Variants in RBM46 observed in about 807,000 individuals in gnomAD.
RBM46 encodes the protein RNA binding motif protein 46, also known as probable RNA-binding protein 46.
A neutral mutation model predicts 43.3 loss-of-function variants in RBM46; 12 were observed. The ratio of observed to expected loss-of-function variants is 0.28; its 90% CI spans 0.18 to 0.45. The LOEUF (loss-of-function observed/expected upper bound fraction) is 0.45, where lower values mean the gene tolerates loss of function less well. Among genes scored for constraint, RBM46 ranks in the 20% least tolerant of loss-of-function variants. The pLI is 1.00. For synonymous variants in RBM46, 205 were observed against 207.6 expected (o/e 0.99, Z 0.11); for missense variants, 412 against 639.1 (o/e 0.64, Z 3.83).
chr4:154,788,955 G>C (rs1331452568), intron 1 of RBM46, among the ~76,000 whole-genome samples: 1 of 151,900 alleles, frequency 6.6e-6, no homozygotes, highest in Non-Finnish European at 1.5e-5. Flanking sequence ...ATTGTGAATT[G>C]CTTCACATGA....
intron 4 of RBM46, among the ~76,000 whole-genome samples, chr4:154,817,899 A>G (rs7691720): frequency 0.16 from 24,758 of 151,780 alleles, 2,620 homozygotes; most frequent in East Asian, 0.44. Flanking sequence ...TCAGTCTTTA[A>G]TCTCTTAGTC....
At chr4:154,797,103 C>T (rs535290262) in intron 2 of RBM46, among the ~76,000 whole-genome samples, 200 bp downstream of exon 2, 1 of 151,836 alleles carries the variant, frequency 6.6e-6, no homozygotes, top group Admixed American at 6.6e-5. Flanking sequence ...TGCTCTTCAT[C>T]TAAGAAGCAG....
At chr4:154,827,016 A>G (rs1735998720) in intron 4 of RBM46, 3 of 1,241,708 alleles carry the variant, frequency 2.4e-6, no homozygotes, top group South Asian at 7.0e-5. Context: ...CCCTTGGCTT[A>G]TTTTACACTA....
rs765755819 is a variant in RBM46 at position 154,827,993 on chromosome 4, C to T, written c.1528C>T (p.Pro510Ser). The change falls in exon 5 of 5, where the codon CCA becomes TCA. Residue 510 changes from proline to serine, a missense_variant. Transcript: ENST00000281722. ...TTCTTATCCAGGCTATCCTTTGTCA[C>T]CAACAATATCACTTGCTAATGGCAG... Reference protein sequence around the residue: ...PYSYPGYPLSPTISLANGSHV... With the variant: ...PYSYPGYPLSSTISLANGSHV... 5.0e-6 allele frequency: 8 copies of T among 1,613,992 alleles called. No homozygotes were observed. The African/African-American group carries it at 9.3e-5, about 19-fold the overall frequency.
intron 4 of RBM46, among the ~76,000 whole-genome samples, chr4:154,819,495 A>G (rs980351572): frequency 3.9e-5 from 6 of 152,194 alleles, no homozygotes; most frequent in Admixed American, 3.3e-4. Context: ...TCACAGCCCC[A>G]TAATTCGTCA....
intron 1 of RBM46, among the ~76,000 whole-genome samples, chr4:154,782,606 C>G (rs1057171072): frequency 1.3e-5 from 2 of 152,144 alleles, no homozygotes; most frequent in African/African-American, 4.8e-5. Flanking sequence ...GCCTCAAACT[C>G]TCGGGAGTAG....
intron 1 of RBM46, chr4:154,787,300 A>G (rs1006631393): frequency 1.3e-5 from 2 of 151,336 alleles, no homozygotes; most frequent in African/African-American, 4.9e-5. Flanking sequence ...CGTCATTTAC[A>G]TTAGGTATAT....
Position 154,790,100 on chromosome 4 carries a change from G to C in RBM46, c.-11-6642G>C, listed in dbSNP as rs140997976. ...GTCTTGCTAGTGGTCTATCAATTTT[G>C]TTGATCTTTTCAAAAAACCAGCTCC... On this transcript the variant is annotated intron_variant, in intron 1 of 4. Coordinates refer to ENST00000281722, the MANE Select transcript of RBM46 (RefSeq NM_144979.5). Among the ~76,000 whole-genome samples, 573 of 152,052 alleles carry C rather than the reference G, an allele frequency of 3.8e-3. 2 individuals are homozygous for C. Among genetic ancestry groups the C allele is most frequent in the African/African-American group, 0.013 (547 of 41,488 alleles).
chr4:154,782,586 C>T (rs1578880544), intron 1 of RBM46, among the ~76,000 whole-genome samples: 1 of 152,242 alleles, frequency 6.6e-6, no homozygotes, highest in East Asian at 1.9e-4. Context: ...CGGGTTCAAG[C>T]GATTCTCCTG....
chr4:154,807,157 A>G (rs1381486653), intron 4 of RBM46, among the ~76,000 whole-genome samples: 1 of 151,710 alleles, frequency 6.6e-6, no homozygotes, highest in African/African-American at 2.4e-5. Context: ...TATATGTTAA[A>G]TATACACACA....
At chr4:154,791,019 A>G (rs974755402) in intron 1 of RBM46, among the ~76,000 whole-genome samples, 1 of 152,208 alleles carries the variant, frequency 6.6e-6, no homozygotes, top group Admixed American at 6.5e-5. Flanking sequence ...ATTTTGGCCA[A>G]CCACACTTTT....
chr4:154,794,177 CTTTT>C (rs58437982), intron 1 of RBM46, among the ~76,000 whole-genome samples: 1 of 115,758 alleles, frequency 8.6e-6, no homozygotes, highest in Admixed American at 9.9e-5. Context: ...GTAGTAATCA[CTTTT>C]TTTTTTTTTT....
chr4:154,827,048 G>A, intron 4 of RBM46: 13 of 1,196,372 alleles, frequency 1.1e-5, no homozygotes, highest in Non-Finnish European at 1.3e-5. Context: ...TGAGTTTTTG[G>A]AAGGTACAGG....
At chr4:154,825,167 A>G (rs1735900710) in intron 4 of RBM46, among the ~76,000 whole-genome samples, 1 of 152,168 alleles carries the variant, frequency 6.6e-6, no homozygotes, top group African/African-American at 2.4e-5. Context: ...GTGGGATTGA[A>G]GAGCTAAGGA....
intron 1 of RBM46, chr4:154,790,162 C>G (rs1360289372): frequency 6.6e-6 from 1 of 152,120 alleles, no homozygotes; most frequent in Non-Finnish European, 1.5e-5. Context: ...TTTTGTGTCT[C>G]TATCTCCTTC....
chr4:154,808,713 T>G (rs1422680179), intron 4 of RBM46, among the ~76,000 whole-genome samples: 1 of 152,020 alleles, frequency 6.6e-6, no homozygotes, highest in Non-Finnish European at 1.5e-5. Context: ...GGAAAACAGG[T>G]TAAGATTCTG....
At chr4:154,792,171 T>C (rs1734126989) in intron 1 of RBM46, among the ~76,000 whole-genome samples, 2 of 152,208 alleles carry the variant, frequency 1.3e-5, no homozygotes, top group South Asian at 4.1e-4. Flanking sequence ...CTTATCAATT[T>C]AATAGCACTA....
chr4:154,782,708 C>A (rs1384664736), intron 1 of RBM46, among the ~76,000 whole-genome samples: 4 of 152,154 alleles, frequency 2.6e-5, no homozygotes, highest in Admixed American at 2.6e-4. Context: ...GTCTCGATCT[C>A]TGGACCTCAT....
In RBM46 at chr4:154,792,534, A is replaced by G. The variant is rs966841648; in HGVS notation, c.-11-4208A>G. Among the ~76,000 whole-genome samples the G allele has an allele frequency of 1.1e-3, 171 of 152,296 alleles. 1 individual carries two copies. Among genetic ancestry groups the G allele is most frequent in the African/African-American group, 4.0e-3 (165 of 41,564 alleles). ...GGTCTGCATGGTGCTTTGGATTCAGAAATGAAAGGCTAGACCCTTTTCAAT... is the reference window on the plus strand; with the variant it reads ...GGTCTGCATGGTGCTTTGGATTCAGGAATGAAAGGCTAGACCCTTTTCAAT... On this transcript the variant is annotated intron_variant, in intron 1 of 4. Coordinates refer to ENST00000281722, the MANE Select transcript of RBM46 (RefSeq NM_144979.5).
Sources: gnomAD v4.1 joint callset for allele counts (sites outside exome capture counted in the v4.1 genomes callset) on GRCh38, gnomAD v4.1.1 for gene constraint, MANE v1.5 for transcripts, NCBI Gene and HGNC (gene_info 2026-07-23, HGNC 2026-07-21) for gene names.